NRXN3: variants seen among roughly 807,000 people sequenced by gnomAD.
NRXN3 encodes neurexin III.
NRXN3 carries 32 observed loss-of-function variants against 137.6 expected under a neutral mutation model. The observed-to-expected ratio is 0.23, with a 90% CI of 0.18 to 0.31. The LOEUF (loss-of-function observed/expected upper bound fraction) is 0.31, where lower values mean the gene tolerates loss of function less well. Ranked by LOEUF, NRXN3 falls within the 10% of genes least tolerant of loss-of-function variation. The pLI, the probability that NRXN3 is intolerant of heterozygous loss-of-function variation, is 1.00. For missense variants in NRXN3, 1,574 were observed against 2,062.5 expected, an observed-to-expected ratio of 0.76 and a Z score of 4.59; for synonymous variants, 798 against 784.5, an observed-to-expected ratio of 1.02 and a Z score of -0.29.
intron 15 of NRXN3, among the ~76,000 whole-genome samples, chr14:79,003,304 C>T (rs1483754539): frequency 1.3e-5 from 2 of 152,146 alleles, no homozygotes; most frequent in African/African-American, 4.8e-5. Context: ...AACAATGCTG[C>T]AATTTTTGCA....
intron 16 of NRXN3, among the ~76,000 whole-genome samples, chr14:79,652,375 G>A (rs1360874734): frequency 6.0e-5 from 9 of 148,828 alleles, no homozygotes; most frequent in African/African-American, 2.1e-4. Flanking sequence ...TTCATATTGT[G>A]TATGAGTTCA....
At chr14:79,266,503 G>A (rs568717407) in intron 15 of NRXN3, among the ~76,000 whole-genome samples, 2 of 152,178 alleles carry the variant, frequency 1.3e-5, no homozygotes, top group South Asian at 4.2e-4. Context: ...TTCACTTTGA[G>A]AGGATCAAAA....
At chr14:78,270,919 T>C (rs1217734578) in intron 2 of NRXN3, among the ~76,000 whole-genome samples, 8 of 152,200 alleles carry the variant, frequency 5.3e-5, no homozygotes, top group Admixed American at 3.9e-4. Flanking sequence ...GGCAGAAAAC[T>C]GCAGCCAGCA....
At chr14:78,537,842 C>T (rs895797761) in intron 4 of NRXN3, among the ~76,000 whole-genome samples, 1 of 152,126 alleles carries the variant, frequency 6.6e-6, no homozygotes, top group African/African-American at 2.4e-5. Flanking sequence ...AGCCAGTTTT[C>T]CCAGCACCAT....
At chr14:79,134,120 A>G (rs1397936098) in intron 15 of NRXN3, among the ~76,000 whole-genome samples, 2 of 145,028 alleles carry the variant, frequency 1.4e-5, no homozygotes, top group Non-Finnish European at 3.1e-5. Flanking sequence ...TGAAATATTG[A>G]CCCCATCCCC....
At chr14:78,656,411 T>C (rs980839865) in intron 6 of NRXN3, among the ~76,000 whole-genome samples, 5 of 151,982 alleles carry the variant, frequency 3.3e-5, no homozygotes, top group African/African-American at 1.2e-4. Context: ...AGGGGCAGGG[T>C]GAGCAAAGGC....
At chr14:79,513,131 G>A (rs2153692335) in intron 16 of NRXN3, among the ~76,000 whole-genome samples, 1 of 152,334 alleles carries the variant, frequency 6.6e-6, no homozygotes, top group South Asian at 2.1e-4. Flanking sequence ...TAGAAGAAAA[G>A]TCAGTGAATC....
At chr14:79,285,334 G>C (rs2082060544) in intron 15 of NRXN3, among the ~76,000 whole-genome samples, 1 of 152,188 alleles carries the variant, frequency 6.6e-6, no homozygotes, top group Non-Finnish European at 1.5e-5. Flanking sequence ...GCCCAAAGAA[G>C]TTTGCTTTAC....
At chr14:79,750,099 C>G (rs12435036) in intron 19 of NRXN3, among the ~76,000 whole-genome samples, 79,851 of 151,316 alleles carry the variant, frequency 0.53, 21,556 homozygotes, top group Middle Eastern at 0.65. Flanking sequence ...TATAATTGAC[C>G]AGTGCCTGGT....
At chr14:78,496,879 A>G (rs188203639) in intron 4 of NRXN3, among the ~76,000 whole-genome samples, 45 of 152,174 alleles carry the variant, frequency 3.0e-4, no homozygotes, top group Non-Finnish European at 5.6e-4. Context: ...AAGGACTCCA[A>G]CTTGTACTTT....
At chr14:79,826,372 G>A (rs775197344) in intron 20 of NRXN3, among the ~76,000 whole-genome samples, 32 of 152,080 alleles carry the variant, frequency 2.1e-4, no homozygotes, top group South Asian at 4.1e-4. Flanking sequence ...TATGGAATTC[G>A]TTATGTCCTT....
chr14:79,348,000 A>G (rs2153381802), intron 15 of NRXN3, among the ~76,000 whole-genome samples: 1 of 152,210 alleles, frequency 6.6e-6, no homozygotes, highest in East Asian at 1.9e-4. Context: ...TTCTAATTAG[A>G]TTTTTCTTCT....
At chr14:79,778,703 A>G (rs1238266382) in intron 19 of NRXN3, among the ~76,000 whole-genome samples, 1 of 152,162 alleles carries the variant, frequency 6.6e-6, no homozygotes, top group African/African-American at 2.4e-5. Context: ...TGTTCAGTCT[A>G]TACGAATTTT....
intron 4 of NRXN3, among the ~76,000 whole-genome samples, chr14:78,362,743 A>G (rs2085320570): frequency 6.6e-6 from 1 of 152,220 alleles, no homozygotes; most frequent in African/African-American, 2.4e-5. Flanking sequence ...TGTTTTCCCT[A>G]GGAACAGTAC....
chr14:78,926,126 C>T (rs562792947), intron 10 of NRXN3, among the ~76,000 whole-genome samples: 11 of 152,218 alleles, frequency 7.2e-5, no homozygotes, highest in African/African-American at 2.6e-4. Context: ...TTAATAGGTA[C>T]AGTAGTTCCC....
chr14:78,394,706 T>G (rs1310121934), intron 4 of NRXN3, among the ~76,000 whole-genome samples: 1 of 151,884 alleles, frequency 6.6e-6, no homozygotes, highest in Non-Finnish European at 1.5e-5. Context: ...AGATTTTATT[T>G]TGGGAAGTAT....
intron 15 of NRXN3, among the ~76,000 whole-genome samples, chr14:79,441,760 C>G (rs1016164924): frequency 4.6e-4 from 69 of 151,578 alleles, no homozygotes; most frequent in Non-Finnish European, 1.5e-5. Flanking sequence ...CATATTCTTT[C>G]TTCACACACA....
chr14:78,491,983 G>T (rs75542837), intron 4 of NRXN3, among the ~76,000 whole-genome samples: 2 of 152,102 alleles, frequency 1.3e-5, no homozygotes, highest in African/African-American at 2.4e-5. Flanking sequence ...TTCGGATTCC[G>T]CCTCTGCTGC....
At chr14:79,164,898 G>GA (rs545457840) in intron 15 of NRXN3, among the ~76,000 whole-genome samples, 2 of 151,872 alleles carry the variant, frequency 1.3e-5, no homozygotes, top group Non-Finnish European at 2.9e-5. Context: ...CCTATAGCTG[G>GA]AAAATCAAAT....
Sources: gnomAD v4.1 joint callset for allele counts (sites outside exome capture counted in the v4.1 genomes callset) on GRCh38, gnomAD v4.1.1 for gene constraint, MANE v1.5 for transcripts, NCBI Gene and HGNC (gene_info 2026-07-23, HGNC 2026-07-21) for gene names.